CMSS1: variants seen among roughly 807,000 people sequenced by gnomAD.
CMSS1 encodes protein CMSS1.
In CMSS1, 33 loss-of-function variants were observed where a neutral mutation model predicts 43.5. That is an observed-to-expected ratio of 0.76 (90% confidence interval 0.57 to 1.01). The LOEUF (loss-of-function observed/expected upper bound fraction) is 1.01. Ranked by LOEUF, CMSS1 falls within the 50% of genes least tolerant of loss-of-function variation. The pLI, the probability that CMSS1 is intolerant of heterozygous loss-of-function variation, is 0.00. For synonymous variants in CMSS1, 115 were observed against 117.2 expected, an observed-to-expected ratio of 0.98 and a Z score of 0.12; for missense variants, 313 against 326.4, an observed-to-expected ratio of 0.96 and a Z score of 0.32.
intron 1 of CMSS1, chr3:99,849,554 C>T: frequency 6.2e-7 from 1 of 1,613,392 alleles, no homozygotes; most frequent in Admixed American, 1.7e-5. Flanking sequence ...TTAGCTTCTT[C>T]TTCTTGAAGC....
rs1353207867 is a variant in CMSS1 at position 100,172,354 on chromosome 3, G to T, written c.618G>T (p.Val206=). The change falls in exon 8 of 10, where the codon GTG becomes GTT. Residue 206 remains valine (V), a synonymous_variant. Transcript: ENST00000421999. ...AQVKLLEKRV[V]HLGVGTPGRI... ...TAAAGTTGCTGGAGAAGCGTGTGGTGCACCTGGGTGTAGGAACTCCGGGGA... is the reference window on the plus strand; with the variant it reads ...TAAAGTTGCTGGAGAAGCGTGTGGTTCACCTGGGTGTAGGAACTCCGGGGA... 1.9e-6 allele frequency: 3 copies of T among 1,613,900 alleles called. No homozygotes were observed. The highest frequency in any genetic ancestry group is 1.7e-6 in the Non-Finnish European group (2 of 1,179,880).
chr3:100,050,596 A>G (rs979526167), intron 1 of CMSS1, among the ~76,000 whole-genome samples: 2 of 152,074 alleles, frequency 1.3e-5, no homozygotes, highest in Non-Finnish European at 2.9e-5. Flanking sequence ...CAGTGGTACA[A>G]TCTCTGCTCA....
At chr3:100,054,761 T>A (rs1014830826) in intron 1 of CMSS1, among the ~76,000 whole-genome samples, 2 of 152,200 alleles carry the variant, frequency 1.3e-5, no homozygotes, top group African/African-American at 4.8e-5. Flanking sequence ...TGGGATGAGA[T>A]GCACAACTTC....
intron 1 of CMSS1, among the ~76,000 whole-genome samples, chr3:100,126,553 T>G (rs1576089425): frequency 6.6e-6 from 1 of 152,214 alleles, no homozygotes; most frequent in Non-Finnish European, 1.5e-5. Flanking sequence ...AGTCTTGGAT[T>G]AATTTCAGGT....
chr3:100,000,391 T>A (rs966411724), intron 1 of CMSS1, among the ~76,000 whole-genome samples: 1 of 152,234 alleles, frequency 6.6e-6, no homozygotes, highest in Non-Finnish European at 1.5e-5. Context: ...AGGAATATCA[T>A]ATATTTATTG....
At chr3:99,902,564 T>C (rs1706472007) in intron 1 of CMSS1, among the ~76,000 whole-genome samples, 1 of 152,208 alleles carries the variant, frequency 6.6e-6, no homozygotes, top group Non-Finnish European at 1.5e-5. Flanking sequence ...ATTCAAACTA[T>C]ATCTGAAAAC....
intron 1 of CMSS1, among the ~76,000 whole-genome samples, chr3:100,105,098 A>G (rs2066371948): frequency 2.0e-5 from 3 of 152,306 alleles, no homozygotes; most frequent in South Asian, 4.1e-4. Flanking sequence ...TAGTCTTGGA[A>G]AGGGTGTTCA....
At chr3:99,897,365 G>A (rs1706291218) in intron 1 of CMSS1, among the ~76,000 whole-genome samples, 1 of 150,044 alleles carries the variant, frequency 6.7e-6, no homozygotes, top group African/African-American at 2.5e-5. Context: ...GCTAGACTTT[G>A]TCTCAAAAAA....
At chr3:100,009,921 T>G (rs1181848433) in intron 1 of CMSS1, among the ~76,000 whole-genome samples, 1 of 152,244 alleles carries the variant, frequency 6.6e-6, no homozygotes, top group Non-Finnish European at 1.5e-5. Flanking sequence ...TCTTTCACCA[T>G]TGCTTTTGCT....
chr3:100,132,306 G>A (rs1028505179), intron 1 of CMSS1, among the ~76,000 whole-genome samples: 2 of 152,170 alleles, frequency 1.3e-5, no homozygotes, highest in African/African-American at 4.8e-5. Context: ...AAGAGGCTGA[G>A]GCAGGAGGAT....
intron 1 of CMSS1, among the ~76,000 whole-genome samples, chr3:100,046,232 C>G (rs934062327): frequency 2.6e-5 from 4 of 152,088 alleles, no homozygotes; most frequent in Non-Finnish European, 5.9e-5. Context: ...CAGGATATTC[C>G]AGCGTTTGGA....
chr3:99,882,675 G>A (rs1030425935), intron 1 of CMSS1, among the ~76,000 whole-genome samples: 1 of 152,140 alleles, frequency 6.6e-6, no homozygotes, highest in Non-Finnish European at 1.5e-5. Context: ...CAGTCACTGT[G>A]TTTTCTGGGA....
At chr3:100,054,391 C>T (rs564156282) in intron 1 of CMSS1, among the ~76,000 whole-genome samples, 1 of 152,252 alleles carries the variant, frequency 6.6e-6, no homozygotes, top group African/African-American at 2.4e-5. Context: ...TTGTAGCTGG[C>T]CAGAGCTGGG....
intron 1 of CMSS1, among the ~76,000 whole-genome samples, chr3:99,832,889 T>A (rs1421828410): frequency 6.7e-6 from 1 of 148,706 alleles, no homozygotes; most frequent in Non-Finnish European, 1.5e-5. Context: ...GTATGACTTA[T>A]CCTTGGACAT....
chr3:99,842,417 C>CA (rs1346257407), intron 1 of CMSS1, among the ~76,000 whole-genome samples: 1 of 150,556 alleles, frequency 6.6e-6, no homozygotes, highest in Admixed American at 6.6e-5. Flanking sequence ...ACCAGAATCT[C>CA]AGAAGTCAGC....
chr3:99,965,681 T>C (rs1165592135), intron 1 of CMSS1, among the ~76,000 whole-genome samples: 1 of 152,190 alleles, frequency 6.6e-6, no homozygotes, highest in Non-Finnish European at 1.5e-5. Flanking sequence ...ATGATAAATA[T>C]CTGAGCCCCC....
At chr3:100,028,665 T>C (rs1416610937) in intron 1 of CMSS1, among the ~76,000 whole-genome samples, 1 of 152,198 alleles carries the variant, frequency 6.6e-6, no homozygotes, top group Non-Finnish European at 1.5e-5. Flanking sequence ...AATAATGGAA[T>C]AGCATTTTTT....
chr3:99,951,607 T>C (rs1708179310), intron 1 of CMSS1, among the ~76,000 whole-genome samples: 1 of 152,138 alleles, frequency 6.6e-6, no homozygotes, highest in African/African-American at 2.4e-5. Context: ...AGTGTTTTTG[T>C]ACCATCATTG....
intron 1 of CMSS1, among the ~76,000 whole-genome samples, chr3:100,116,992 G>T (rs1480340538): frequency 2.0e-5 from 3 of 152,086 alleles, no homozygotes; most frequent in Non-Finnish European, 2.9e-5. Flanking sequence ...TTCATGGCAA[G>T]GTAGGTATTA....
Sources: gnomAD v4.1 joint callset for allele counts (sites outside exome capture counted in the v4.1 genomes callset) on GRCh38, gnomAD v4.1.1 for gene constraint, MANE v1.5 for transcripts, NCBI Gene and HGNC (gene_info 2026-07-23, HGNC 2026-07-21) for gene names.